ARAP2: variants seen among roughly 807,000 people sequenced by gnomAD.
ARAP2 encodes ArfGAP with RhoGAP domain, ankyrin repeat and PH domain 2, also known as arf-GAP with Rho-GAP domain, ANK repeat and PH domain-containing protein 2.
ARAP2 carries 148 observed loss-of-function variants against 194.5 expected under a neutral mutation model. That is an observed-to-expected ratio of 0.76 (90% CI 0.67 to 0.87). The LOEUF (loss-of-function observed/expected upper bound fraction) is 0.87. ARAP2 is among the 40% of genes least tolerant of loss of function. ARAP2 has a pLI of 0.00. For missense variants in ARAP2, 2,128 were observed against 1,989.7 expected, an observed-to-expected ratio of 1.07 and a Z score of -1.32; for synonymous variants, 695 against 683.5, an observed-to-expected ratio of 1.02 and a Z score of -0.26.
At chr4:36,020,565 G>A (rs1403654975) in intron 5 of ARAP2, among the ~76,000 whole-genome samples, 1 of 152,200 alleles carries the variant, frequency 6.6e-6, no homozygotes, top group Non-Finnish European at 1.5e-5. Flanking sequence ...GGATGGAGTG[G>A]ATGGCATGAG....
rs945864461 is a variant in ARAP2, at chr4:36,150,931, T to C, written c.2866A>G (p.Ile956Val). ...TTTAAATAGAAGTCCTCTTTGTGTA[T>C]AGCCAGGCAGATAACTTCATTGATA... ...ININEVICLA[I>V]HKEDFYLNTG... Residue 956 changes from isoleucine (I) to valine (V), a missense_variant, in exon 16 of 33, where the codon ATA (isoleucine) becomes GTA (valine). Ile to Val is a conservative substitution (Grantham distance 29, BLOSUM62 3). Coordinates refer to ENST00000303965, the MANE Select transcript of ARAP2 (RefSeq NM_015230.4). 1 of 1,613,176 alleles carries C rather than the reference T, an allele frequency of 6.2e-7. No individual in the cohort carries two copies.
Position 36,068,199 on chromosome 4 carries a change from C to A in ARAP2, c.4823G>T (p.Arg1608Ile). 6.2e-7 allele frequency: 1 copy of A among 1,613,710 alleles called. No individual in the cohort carries two copies. Among genetic ancestry groups the A allele is most frequent in the Non-Finnish European group, 8.5e-7 (1 of 1,179,832 alleles). Residue 1608 changes from arginine (R) to isoleucine (I), a missense_variant, in exon 33 of 33, where the codon AGA (arginine) becomes ATA (isoleucine). Physicochemically the swap from Arg to Ile is moderately conservative, Grantham distance 97. Coordinates refer to ENST00000303965, the MANE Select transcript of ARAP2 (RefSeq NM_015230.4). Reference protein sequence around the residue: ...KESVDSSLKERASMVAHCLEH... With the variant: ...KESVDSSLKEIASMVAHCLEH... Reference sequence around the variant, plus strand: ...CAGGCAGTGGGCCACCATGGAAGCTCTCTCCTTTAAGCTAGAGTCCACGGA... The same window carrying A: ...CAGGCAGTGGGCCACCATGGAAGCTATCTCCTTTAAGCTAGAGTCCACGGA...
At chr4:36,011,460 A>T (rs905106069) in intron 9 of ARAP2, among the ~76,000 whole-genome samples, 2 of 152,348 alleles carry the variant, frequency 1.3e-5, no homozygotes, top group East Asian at 1.9e-4. Context: ...ATTCTACAGT[A>T]GACAAAGTCT....
rs142326571 is a variant in ARAP2 at position 36,165,085 on chromosome 4, G to C, written c.2002C>G (p.Gln668Glu). 16 of 1,613,910 alleles carry C rather than the reference G, an allele frequency of 9.9e-6. No individual in the cohort carries two copies. In the Admixed American group the frequency reaches 1.0e-4, roughly 10 times the overall value. The change falls in exon 11 of 33, where the codon CAA (glutamine) becomes GAA (glutamate). Residue 668 changes from glutamine (Q) to glutamate (E), a missense_variant. Transcript: ENST00000303965. ...SFTAETEKEKQDWIEAVQQSI... is the reference protein window; with the variant it reads ...SFTAETEKEKEDWIEAVQQSI... The stretch of plus-strand genomic sequence containing the variant: ...TGCTGCACAGCTTCAATCCAGTCTT[G>C]TTTCTCCTTTTCAGTCTCGGCTGTA...
At chr4:36,047,109 G>A (rs553003345) in intron 3 of ARAP2, 1 of 152,174 alleles carries the variant, frequency 6.6e-6, no homozygotes, top group Non-Finnish European at 1.5e-5. Flanking sequence ...GACTTACGTT[G>A]TGCTATGTCT....
rs376940495 is a variant in ARAP2, at chr4:36,190,731, G to A, written c.1557+2847C>T. ...GAATAACAAGATGGGTCTGATGTTTGCACAGAATGTTGATGGATGGCAATG... is the reference window on the plus strand; with the variant it reads ...GAATAACAAGATGGGTCTGATGTTTACACAGAATGTTGATGGATGGCAATG... On this transcript the variant is annotated intron_variant, in intron 7 of 32. Transcript: ENST00000303965. Among the ~76,000 whole-genome samples, 18 of 152,282 alleles carry A rather than the reference G, an allele frequency of 1.2e-4. No individual in the cohort carries two copies. In the South Asian group the frequency reaches 3.5e-3, roughly 30 times the overall value.
chr4:36,030,660 A>G (rs896814443), intron 5 of ARAP2, among the ~76,000 whole-genome samples: 2 of 152,068 alleles, frequency 1.3e-5, no homozygotes, highest in African/African-American at 4.8e-5. Flanking sequence ...ACATTGCCTC[A>G]TATCTTTTCA....
At chr4:36,156,374 GGGGAAA>G (rs1347378245) in intron 15 of ARAP2, among the ~76,000 whole-genome samples, 42 of 20,810 alleles carry the variant, frequency 2.0e-3, no homozygotes, top group South Asian at 3.3e-3. Context: ...AGGGAGGGAG[GGGGAAA>G]GAGAGAGAGA....
At chr4:36,132,048 A>T (rs1356440644) in intron 20 of ARAP2, among the ~76,000 whole-genome samples, 3 of 151,834 alleles carry the variant, frequency 2.0e-5, no homozygotes, top group African/African-American at 7.2e-5. Flanking sequence ...AATACTTAAA[A>T]TGACACTCTC....
intron 2 of ARAP2, among the ~76,000 whole-genome samples, chr4:36,215,646 CA>C (rs780824634): frequency 7.6e-4 from 115 of 151,650 alleles, no homozygotes; most frequent in Middle Eastern, 3.4e-3. Flanking sequence ...TTGCCCAAAC[CA>C]AAAAAAGGAC....
chr4:36,232,779 C>T (rs1281819577), intron 1 of ARAP2, among the ~76,000 whole-genome samples: 1 of 152,146 alleles, frequency 6.6e-6, no homozygotes, highest in Admixed American at 6.5e-5. Flanking sequence ...AATTTCTATA[C>T]CAGAGCTTTG....
At chr4:36,100,614 T>A (rs1344025164) in intron 27 of ARAP2, among the ~76,000 whole-genome samples, 1 of 152,030 alleles carries the variant, frequency 6.6e-6, no homozygotes, top group African/African-American at 2.4e-5. Context: ...GTATTTTTTT[T>A]ATAATTTTGA....
intron 6 of ARAP2, among the ~76,000 whole-genome samples, chr4:36,209,975 T>C (rs1329189723): frequency 1.3e-5 from 2 of 152,096 alleles, no homozygotes; most frequent in African/African-American, 2.4e-5. Flanking sequence ...CTAACAACAA[T>C]AAGCCTTGTA....
intron 6 of ARAP2, among the ~76,000 whole-genome samples, chr4:36,203,420 C>T (rs1330358651): frequency 1.3e-5 from 2 of 151,940 alleles, no homozygotes; most frequent in African/African-American, 4.8e-5. Flanking sequence ...CCCCTCTCTA[C>T]TAAAAATACA....
intron 5 of ARAP2, among the ~76,000 whole-genome samples, chr4:36,031,114 G>A (rs917737941): frequency 1.3e-5 from 2 of 152,150 alleles, no homozygotes; most frequent in African/African-American, 4.8e-5. Context: ...TGGAGACAGA[G>A]CAAGACTCGT....
chr4:36,071,152 C>A (rs2109308587), intron 32 of ARAP2, among the ~76,000 whole-genome samples: 1 of 152,272 alleles, frequency 6.6e-6, no homozygotes, highest in Admixed American at 6.5e-5. Flanking sequence ...TATTCCATAT[C>A]ATCTTCCCAG....
intron 5 of ARAP2, among the ~76,000 whole-genome samples, chr4:36,033,023 C>T (rs1577601309): frequency 6.6e-6 from 1 of 152,138 alleles, no homozygotes; most frequent in African/African-American, 2.4e-5. Context: ...TTTGTGGCTG[C>T]ATAGTATTCC....
rs750083474 is a variant in ARAP2, at chr4:36,073,704, G to T, written c.4728C>A (p.Ala1576=). 5 of 1,610,832 alleles carry T rather than the reference G, an allele frequency of 3.1e-6. No individual in the cohort carries two copies. Among genetic ancestry groups the T allele is most frequent in the Non-Finnish European group, 8.5e-7 (1 of 1,178,196 alleles). ...CCTAACCTACCTCAATATTTTTCCG[G>T]GCCAAGGTTGCATTCCCCTCATGCT... ...PIQHEGNATL[A]RKNIESARAE... Residue 1576 remains alanine, a synonymous_variant, in exon 32 of 33, where the codon GCC becomes GCA. Transcript: ENST00000303965.
chr4:36,220,267 C>A (rs1305281457), intron 2 of ARAP2, among the ~76,000 whole-genome samples: 1 of 151,876 alleles, frequency 6.6e-6, no homozygotes, highest in Non-Finnish European at 1.5e-5. Context: ...ATCCCCGGCA[C>A]GTTTTGATCA....
Sources: gnomAD v4.1 joint callset for allele counts (sites outside exome capture counted in the v4.1 genomes callset) on GRCh38, gnomAD v4.1.1 for gene constraint, MANE v1.5 for transcripts, NCBI Gene and HGNC (gene_info 2026-07-23, HGNC 2026-07-21) for gene names.